The following SORL1 variants were observed in gnomAD, a reference collection of about 807,000 sequenced individuals.
The protein encoded by SORL1 is sortilin-related receptor.
A neutral mutation model predicts 273.7 loss-of-function variants in SORL1; 127 were observed. The observed-to-expected ratio is 0.46, with a 90% CI of 0.40 to 0.54. SORL1 has a LOEUF of 0.54. SORL1 is among the 20% of genes least tolerant of loss of function. The probability of loss-of-function intolerance (pLI) is 0.00; values close to 1 mark genes in which losing one functional copy is unlikely to be tolerated. For synonymous variants in SORL1, 1,031 were observed against 1,067.4 expected (o/e 0.97, Z 0.66); for missense variants, 2,494 against 2,846.1 (o/e 0.88, Z 2.81).
intron 11 of SORL1, 67 bp from the exon 12 acceptor site, chr11:121,532,397 A>T (rs1461267456): frequency 2.1e-6 from 3 of 1,411,492 alleles, no homozygotes; most frequent in Non-Finnish European, 3.0e-6. Context: ...GCCTGTGGGC[A>T]TGTGTACATG....
chr11:121,623,282 A>G (rs1394178683), intron 45 of SORL1, among the ~76,000 whole-genome samples: 5 of 152,254 alleles, frequency 3.3e-5, no homozygotes, highest in African/African-American at 1.2e-4. Flanking sequence ...TGCAGGGAAG[A>G]GTATAACTGG....
Position 121,583,617 on chromosome 11 carries a change from C to G in SORL1, c.3706+34C>G, listed in dbSNP as rs375696093. On this transcript the variant is annotated intron_variant, in intron 26 of 47. Transcript: ENST00000260197. ...AAATTCCCCAGCTCCCTCCCTGAGC[C>G]TCCCCAGTGTCTGCTGTTCAGGAAG... is the stretch of plus-strand genomic sequence containing the variant. 7.2e-5 allele frequency: 113 copies of G among 1,580,024 alleles called. No individual in the cohort carries two copies. In the African/African-American group the frequency reaches 1.4e-3, roughly 20 times the overall value.
At chr11:121,585,504 C>T (rs981176039) in intron 26 of SORL1, among the ~76,000 whole-genome samples, 181 of 132,690 alleles carry the variant, frequency 1.4e-3, no homozygotes, top group African/African-American at 5.7e-3. Flanking sequence ...TGTATATACA[C>T]ACACACACAC....
chr11:121,626,989 T>C (rs1863804656), intron 46 of SORL1: 1 of 153,878 alleles, frequency 6.5e-6, no homozygotes, highest in Non-Finnish European at 1.5e-5. Flanking sequence ...ATGTTAAATG[T>C]ATATGGAAAG....
At chr11:121,519,545 A>G (rs1862007749) in intron 8 of SORL1, among the ~76,000 whole-genome samples, 1 of 152,094 alleles carries the variant, frequency 6.6e-6, no homozygotes, top group South Asian at 2.1e-4. Context: ...TATAACCCCA[A>G]GCTTTCTAGA....
chr11:121,453,227 T>C (rs1860838880), intron 1 of SORL1, among the ~76,000 whole-genome samples: 1 of 152,150 alleles, frequency 6.6e-6, no homozygotes, highest in African/African-American at 2.4e-5. Flanking sequence ...CCCACCCCCG[T>C]CAAGATAACT....
rs945518758 is a variant in SORL1, at chr11:121,506,425, C to T, written c.940-6578C>T. ...TGGTGGAAGGCAAGCAGGAGCAAGT[C>T]ATGTCTTACATGGATGGCAGCAGGC... On this transcript the variant is annotated intron_variant, in intron 6 of 47. Coordinates refer to ENST00000260197, the MANE Select transcript of SORL1 (RefSeq NM_003105.6). Among the ~76,000 whole-genome samples, 3 of 152,138 alleles carry T rather than the reference C, an allele frequency of 2.0e-5. No homozygotes were observed. The East Asian group carries it at 5.8e-4, about 29-fold the overall frequency.
chr11:121,539,348 A>G (rs1447510184), intron 12 of SORL1, among the ~76,000 whole-genome samples: 1 of 152,210 alleles, frequency 6.6e-6, no homozygotes, highest in East Asian at 1.9e-4. Context: ...GTGCTCTCAA[A>G]TAAACTGTTT....
chr11:121,624,137 C>G (rs1262499531), intron 45 of SORL1, among the ~76,000 whole-genome samples: 1 of 152,208 alleles, frequency 6.6e-6, no homozygotes, highest in Non-Finnish European at 1.5e-5. Context: ...CTCACCGGGT[C>G]CCTCCCACAG....
At chr11:121,478,990 A>G (rs1255386278) in intron 3 of SORL1, among the ~76,000 whole-genome samples, 25 of 121,096 alleles carry the variant, frequency 2.1e-4, no homozygotes, top group South Asian at 3.1e-4. Flanking sequence ...GTGGGTACCC[A>G]CGTGCGTGCG....
At chr11:121,621,275 C>G in intron 44 of SORL1, 37 bp downstream of exon 44, 1 of 1,584,344 alleles carries the variant, frequency 6.3e-7, no homozygotes, top group South Asian at 1.1e-5. Flanking sequence ...TCTCACACAG[C>G]CTGCCCTCAG....
At chr11:121,465,926 G>A (rs1591545451) in intron 1 of SORL1, among the ~76,000 whole-genome samples, 1 of 152,172 alleles carries the variant, frequency 6.6e-6, no homozygotes, top group East Asian at 1.9e-4. Flanking sequence ...CTGACCTTCA[G>A]TGGGGCATGG....
In SORL1 at chr11:121,470,940, C is replaced by T. The variant is rs150815282; in HGVS notation, c.402+817C>T. On this transcript the variant is annotated intron_variant, in intron 2 of 47. Transcript: ENST00000260197. ...CTGGGCTCAAACAATCCGCCTGCCT[C>T]GGCCTCCCAAAGTGTTGAGACTACA... Among the ~76,000 whole-genome samples the T allele has an allele frequency of 5.1e-3, 772 of 152,286 alleles. 3 individuals carry two copies. Among genetic ancestry groups the T allele is most frequent in the African/African-American group, 0.017 (712 of 41,554 alleles).
At position 121,627,335 on chromosome 11, in the gene SORL1, C is replaced by T; in HGVS notation, c.6365-220C>T. On this transcript the variant is annotated intron_variant, in intron 46 of 47. Coordinates refer to ENST00000260197, the MANE Select transcript of SORL1 (RefSeq NM_003105.6). The surrounding 1 kb of genome is among the most constrained non-coding windows in gnomAD (Gnocchi z 4.9). The stretch of plus-strand genomic sequence containing the variant: ...AGTGATTAGGAGTCTAATGTAATTA[C>T]CATATTTGCATGCACAAGGCCCTTG... 3.5e-6 allele frequency: 2 copies of T among 578,354 alleles called. No homozygotes were observed. The highest frequency in any genetic ancestry group is 6.2e-6 in the Non-Finnish European group (2 of 323,924). The allele number at this position is 578,354 out of a possible 1,614,324, so 35.8% of individuals were successfully genotyped here.
At position 121,632,131 on chromosome 11, in the gene SORL1, C is replaced by T. The variant is rs186587775; in HGVS notation, c.*2568C>T. The T allele has an allele frequency of 6.6e-5, 10 of 152,326 alleles. No homozygotes were observed. The highest frequency in any genetic ancestry group is 2.0e-4 in the Admixed American group (3 of 15,298). 9.4% of individuals were successfully genotyped at this position (152,326 alleles called of 1,614,324 possible). ...GGAGATGCCACCTCAGAAGTTCACACTGTGCAGGAAAAAGGTTTTATTCTC... is the reference window on the plus strand; with the variant it reads ...GGAGATGCCACCTCAGAAGTTCACATTGTGCAGGAAAAAGGTTTTATTCTC... On this transcript the variant is annotated 3_prime_UTR_variant, in exon 48 of 48. Coordinates refer to ENST00000260197, the MANE Select transcript of SORL1 (RefSeq NM_003105.6).
At chr11:121,622,123 T>C (rs1407062688) in intron 44 of SORL1, 39 bp from the exon 45 acceptor site, 3 of 1,093,782 alleles carry the variant, frequency 2.7e-6, no homozygotes. Flanking sequence ...TTCAAATGTA[T>C]ATCCACTAAC....
chr11:121,593,599 T>A (rs1257811437), intron 31 of SORL1, among the ~76,000 whole-genome samples: 1 of 152,148 alleles, frequency 6.6e-6, no homozygotes, highest in Non-Finnish European at 1.5e-5. Flanking sequence ...GGATCTTGTG[T>A]GTTGCTTTTT....
At chr11:121,504,785 A>G (rs1234511969) in intron 6 of SORL1, among the ~76,000 whole-genome samples, 1 of 152,114 alleles carries the variant, frequency 6.6e-6, no homozygotes, top group African/African-American at 2.4e-5. Context: ...TCTTAGGGGA[A>G]ATGCATTCAG....
At chr11:121,481,321 T>A (rs1591556891) in intron 3 of SORL1, among the ~76,000 whole-genome samples, 1 of 124,230 alleles carries the variant, frequency 8.0e-6, no homozygotes, top group African/African-American at 3.4e-5. Flanking sequence ...GCTCCTCCCC[T>A]AGTGCACAGA....
Sources: gnomAD v4.1 joint callset for allele counts (sites outside exome capture counted in the v4.1 genomes callset) on GRCh38, gnomAD v4.1.1 for gene constraint, Gnocchi (gnomAD v3.1) non-coding constraint, MANE v1.5 for transcripts, NCBI Gene and HGNC (gene_info 2026-07-23, HGNC 2026-07-21) for gene names.